Variants in SLC22A15 observed in about 807,000 individuals in gnomAD.
SLC22A15 encodes the protein solute carrier family 22 member 15, also known as flipt 1.
SLC22A15 carries 45 observed loss-of-function variants against 62.7 expected under a neutral mutation model. The observed-to-expected ratio is 0.72, with a 90% confidence interval of 0.56 to 0.92. SLC22A15 has a LOEUF of 0.92. Ranked by LOEUF, SLC22A15 falls within the 40% of genes least tolerant of loss-of-function variation. The probability of loss-of-function intolerance (pLI) is 0.00; values close to 1 mark genes in which losing one functional copy is unlikely to be tolerated. For synonymous variants in SLC22A15, 264 were observed against 267.0 expected, an observed-to-expected ratio of 0.99 and a Z score of 0.11; for missense variants, 622 against 665.6, an observed-to-expected ratio of 0.93 and a Z score of 0.72.
chr1:116,032,707 G>A lies in SLC22A15; in HGVS notation c.944+1126G>A, dbSNP rs904754160. ...ATAAATGTTGAGGCTTGGAGGCATGGAGATTAAGAAAACCGTTGAAAGCCA... is the reference window on the plus strand; with the variant it reads ...ATAAATGTTGAGGCTTGGAGGCATGAAGATTAAGAAAACCGTTGAAAGCCA... On this transcript the variant is annotated intron_variant, in intron 6 of 11. Coordinates refer to ENST00000369503, the MANE Select transcript of SLC22A15 (RefSeq NM_018420.3). 210 of 928,410 alleles carry A rather than the reference G, an allele frequency of 2.3e-4. No homozygotes were observed. The African/African-American group carries it at 3.6e-3, about 16-fold the overall frequency. The allele number at this position is 928,410 out of a possible 1,614,324, so 57.5% of individuals were successfully genotyped here.
chr1:116,006,665 C>G (rs181429534), intron 2 of SLC22A15, among the ~76,000 whole-genome samples: 1 of 152,128 alleles, frequency 6.6e-6, no homozygotes, highest in Non-Finnish European at 1.5e-5. Context: ...CTCCCTCCCT[C>G]CTTTCCTTCT....
chr1:116,011,375 C>T (rs1656245034), intron 2 of SLC22A15, among the ~76,000 whole-genome samples: 1 of 152,128 alleles, frequency 6.6e-6, no homozygotes, highest in Non-Finnish European at 1.5e-5. Flanking sequence ...GTCTACACTC[C>T]TTTTCAAGAG....
At chr1:116,061,065 T>C (rs1658367394) in intron 8 of SLC22A15, among the ~76,000 whole-genome samples, 1 of 152,210 alleles carries the variant, frequency 6.6e-6, no homozygotes, top group African/African-American at 2.4e-5. Flanking sequence ...TTCACTAAAT[T>C]AATCCCTCTT....
chr1:116,003,281 T>C (rs990234010), intron 2 of SLC22A15, among the ~76,000 whole-genome samples: 5 of 152,140 alleles, frequency 3.3e-5, no homozygotes, highest in Non-Finnish European at 5.9e-5. Context: ...CTGTGAGCTG[T>C]GCTGCCTGGG....
rs893544422 is a variant in SLC22A15, at chr1:116,064,378, A to G, written c.1293-58A>G. ...ATTCAAGGCCCGCTGCTGCCCCCCAAGGGTCTCTTAATTCCTCCGCTAGAA... is the reference window on the plus strand; with the variant it reads ...ATTCAAGGCCCGCTGCTGCCCCCCAGGGGTCTCTTAATTCCTCCGCTAGAA... On this transcript the variant is annotated intron_variant, in intron 9 of 11. Transcript: ENST00000369503. 4.1e-5 allele frequency: 54 copies of G among 1,303,838 alleles called. 1 individual carries two copies. The highest frequency in any genetic ancestry group is 6.9e-5 in the East Asian group (3 of 43,232). The allele number at this position is 1,303,838 out of a possible 1,614,324, so 80.8% of individuals were successfully genotyped here. A position where few individuals can be genotyped will look rare whatever the true frequency, so the allele number is the denominator to read the frequency against.
intron 1 of SLC22A15, among the ~76,000 whole-genome samples, chr1:115,980,049 T>C (rs1386730344): frequency 1.3e-5 from 2 of 151,720 alleles, no homozygotes; most frequent in African/African-American, 4.8e-5. Context: ...AGTGCATTAA[T>C]ATTATCCATG....
At chr1:115,999,613 C>T (rs1463107348) in intron 2 of SLC22A15, among the ~76,000 whole-genome samples, 2 of 151,308 alleles carry the variant, frequency 1.3e-5, no homozygotes, top group African/African-American at 4.9e-5. Context: ...AATTCATTCT[C>T]ATGCCTCAGC....
At chr1:116,034,527 A>AC (rs1354907165) in intron 6 of SLC22A15, among the ~76,000 whole-genome samples, 1 of 152,070 alleles carries the variant, frequency 6.6e-6, no homozygotes, top group Non-Finnish European at 1.5e-5. Flanking sequence ...TTTTTAAGTG[A>AC]CCCTTCCTCG....
At position 116,008,822 on chromosome 1, in the gene SLC22A15, G is replaced by A. The variant is rs147730900; in HGVS notation, c.301-10760G>A. Reference sequence around the variant, plus strand: ...AACAAGCCTGGCCACTGTGGCATGGGCCCAGCAGAAAGAAGGAGGCCAGGC... The same window carrying A: ...AACAAGCCTGGCCACTGTGGCATGGACCCAGCAGAAAGAAGGAGGCCAGGC... On this transcript the variant is annotated intron_variant, in intron 2 of 11. Transcript: ENST00000369503. Among the ~76,000 whole-genome samples the A allele has an allele frequency of 2.6e-4, 40 of 152,248 alleles. No homozygotes were observed. The East Asian group carries it at 5.6e-3, about 21-fold the overall frequency.
intron 1 of SLC22A15, among the ~76,000 whole-genome samples, chr1:115,980,728 G>A (rs66882359): frequency 0.067 from 10,144 of 150,990 alleles, 482 homozygotes; most frequent in Non-Finnish European, 0.1. Flanking sequence ...TCTTGGGAAG[G>A]AAGGGAAGGG....
intron 2 of SLC22A15, among the ~76,000 whole-genome samples, chr1:116,000,912 G>C (rs539972424): frequency 2.0e-5 from 3 of 152,030 alleles, no homozygotes; most frequent in Admixed American, 6.5e-5. Flanking sequence ...GATTACAGGC[G>C]TGAGCCACCA....
Position 116,031,454 on chromosome 1 carries a change from C to T in SLC22A15, c.817C>T (p.Arg273Cys), listed in dbSNP as rs756305963. 68 of 1,613,822 alleles carry T rather than the reference C, an allele frequency of 4.2e-5. No homozygotes were observed. Among genetic ancestry groups the T allele is most frequent in the Non-Finnish European group, 5.5e-5 (65 of 1,179,888 alleles). Reference sequence around the variant, plus strand: ...GCTGTACCTCATTGCCAAGAGGAACCGCAAACTCAAGTGCACGTTCTCACT... The same window carrying T: ...GCTGTACCTCATTGCCAAGAGGAACTGCAAACTCAAGTGCACGTTCTCACT... ...EALYLIAKRN[R>C]KLKCTFSLTH... Residue 273 changes from arginine (R) to cysteine (C), a missense_variant, in exon 6 of 12, where the codon CGC becomes TGC. Arg to Cys is a radical substitution (Grantham distance 180, BLOSUM62 -3). Coordinates refer to ENST00000369503, the MANE Select transcript of SLC22A15 (RefSeq NM_018420.3).
At chr1:116,001,370 C>T (rs1013137750) in intron 2 of SLC22A15, among the ~76,000 whole-genome samples, 1 of 151,928 alleles carries the variant, frequency 6.6e-6, no homozygotes, top group African/African-American at 2.4e-5. Context: ...CTATTGATAT[C>T]TTTCTCTCTA....
chr1:116,062,123 C>T (rs1438364086), intron 8 of SLC22A15, among the ~76,000 whole-genome samples: 2 of 152,102 alleles, frequency 1.3e-5, no homozygotes, highest in Admixed American at 6.5e-5. Context: ...GCAGGAGAAT[C>T]GCTTGAGCCC....
intron 2 of SLC22A15, among the ~76,000 whole-genome samples, chr1:116,007,620 T>A (rs1656046412): frequency 6.6e-6 from 1 of 152,114 alleles, no homozygotes; most frequent in African/African-American, 2.4e-5. Context: ...GCTAACCACT[T>A]TTTAAAAATG....
At chr1:116,063,677 T>C (rs1018824460) in intron 9 of SLC22A15, among the ~76,000 whole-genome samples, 1 of 152,242 alleles carries the variant, frequency 6.6e-6, no homozygotes, top group African/African-American at 2.4e-5. Context: ...TAGCTGGTCC[T>C]ATAACCTACT....
Position 116,068,959 on chromosome 1 carries a change from A to G in SLC22A15, c.*1851A>G, listed in dbSNP as rs1358577247. 6.6e-6 allele frequency: 1 copy of G among 152,198 alleles called. No individual in the cohort carries two copies. The highest frequency in any genetic ancestry group is 1.5e-5 in the Non-Finnish European group (1 of 68,024). 9.4% of individuals were successfully genotyped at this position (152,198 alleles called of 1,614,324 possible). A position where few individuals can be genotyped will look rare whatever the true frequency, so the allele number is the denominator to read the frequency against. On this transcript the variant is annotated 3_prime_UTR_variant, in exon 12 of 12. Transcript: ENST00000369503. ...ATATATCTCATTACAGAAAATTTGG[A>G]AACTATAAATTTAGAAACGTATCAC...
At chr1:116,014,815 T>C (rs1656444508) in intron 2 of SLC22A15, among the ~76,000 whole-genome samples, 1 of 152,214 alleles carries the variant, frequency 6.6e-6, no homozygotes, top group Admixed American at 6.5e-5. Context: ...ATAGTTTAAC[T>C]TAAAATGACC....
At chr1:116,010,934 G>C (rs1656217573) in intron 2 of SLC22A15, among the ~76,000 whole-genome samples, 1 of 152,212 alleles carries the variant, frequency 6.6e-6, no homozygotes, top group African/African-American at 2.4e-5. Context: ...GCCCAGTCTT[G>C]TTTGCCCATT....
Sources: gnomAD v4.1 joint callset for allele counts (sites outside exome capture counted in the v4.1 genomes callset) on GRCh38, gnomAD v4.1.1 for gene constraint, MANE v1.5 for transcripts, NCBI Gene and HGNC (gene_info 2026-07-23, HGNC 2026-07-21) for gene names.